The following FBLN7 variants were observed in gnomAD, a reference collection of about 807,000 sequenced individuals.
FBLN7 encodes fibulin-7.
Under a neutral mutation model 44.0 loss-of-function variants are expected in FBLN7, and 31 were observed. The ratio of observed to expected loss-of-function variants is 0.70; its 90% confidence interval spans 0.53 to 0.95. The LOEUF is 0.95. Among genes scored for constraint, FBLN7 ranks in the 40% least tolerant of loss-of-function variants. The pLI, the probability that FBLN7 is intolerant of heterozygous loss-of-function variation, is 0.00. For missense variants in FBLN7, 573 were observed against 618.5 expected (o/e 0.93, Z 0.78); for synonymous variants, 262 against 253.4 (o/e 1.03, Z -0.32).
intron 2 of FBLN7, among the ~76,000 whole-genome samples, chr2:112,160,767 CACGCAG>C (rs1440402446): frequency 1.7e-4 from 6 of 35,782 alleles, no homozygotes; most frequent in African/African-American, 7.5e-4. Flanking sequence ...CACGCACGCA[CACGCAG>C]ACGCACACGC....
At chr2:112,192,844 CT>C (rs760192844), downstream of FBLN7, among the ~76,000 whole-genome samples, 37 of 152,190 alleles carry the variant, frequency 2.4e-4, no homozygotes, top group Non-Finnish European at 4.9e-4. Context: ...TCCTGAATGT[CT>C]AGTGCGTTCC....
At chr2:112,236,598 T>C in the FBLN7 span, 4 of 1,614,042 alleles carry the variant, frequency 2.5e-6, no homozygotes, top group Non-Finnish European at 3.4e-6. Context: ...GCAAAGCATT[T>C]GATCCTTTGT....
chr2:112,173,765 G>A (rs754052420), intron 3 of FBLN7, among the ~76,000 whole-genome samples: 1 of 152,246 alleles, frequency 6.6e-6, no homozygotes, highest in Non-Finnish European at 1.5e-5. Flanking sequence ...ACATACGTGC[G>A]TGTGATGACA....
At chr2:112,232,549 TA>T in the FBLN7 span, among the ~76,000 whole-genome samples, 2 of 152,174 alleles carry the variant, frequency 1.3e-5, no homozygotes, top group Non-Finnish European at 2.9e-5. Flanking sequence ...AATACCTTGA[TA>T]AATGTGATCA....
chr2:112,231,538 C>T, the FBLN7 span, among the ~76,000 whole-genome samples: 1 of 152,104 alleles, frequency 6.6e-6, no homozygotes, highest in Non-Finnish European at 1.5e-5. Flanking sequence ...AACAGGAGTA[C>T]TATTTTTCTT....
At chr2:112,140,604 A>G (rs72831605) in intron 1 of FBLN7, among the ~76,000 whole-genome samples, 7,365 of 152,236 alleles carry the variant, frequency 0.048, 211 homozygotes, top group African/African-American at 0.086. Context: ...GCCGGGAGGA[A>G]GAAGATTTCT....
the FBLN7 span, chr2:112,238,281 T>C: frequency 1.8e-5 from 29 of 1,597,938 alleles, no homozygotes; most frequent in East Asian, 6.5e-4. Context: ...CTTCTCTAGA[T>C]AAACTTTAAA....
the FBLN7 span, chr2:112,234,071 A>G: frequency 9.3e-7 from 1 of 1,071,728 alleles, no homozygotes; most frequent in Non-Finnish European, 1.3e-6. Context: ...TATCAAACAG[A>G]AAGAGCAGTT....
At chr2:112,201,432 G>T in the FBLN7 span, among the ~76,000 whole-genome samples, 2 of 152,014 alleles carry the variant, frequency 1.3e-5, no homozygotes, top group African/African-American at 4.8e-5. Flanking sequence ...TTTGTTCCAG[G>T]GTACCCTGTT....
At chr2:112,212,965 C>CCT in the FBLN7 span, 1 of 84,892 alleles carries the variant, frequency 1.2e-5, no homozygotes, top group Non-Finnish European at 2.3e-5. Flanking sequence ...AGAAGAAATG[C>CCT]TTTTTTTTTT....
intron 1 of FBLN7, among the ~76,000 whole-genome samples, chr2:112,139,935 T>C (rs1162262525): frequency 1.3e-4 from 8 of 61,000 alleles, no homozygotes; most frequent in Admixed American, 1.7e-4. Flanking sequence ...TCCATGCCAG[T>C]GTCCCTCCCG....
chr2:112,219,181 G>A, the FBLN7 span, among the ~76,000 whole-genome samples: 1 of 152,140 alleles, frequency 6.6e-6, no homozygotes. Flanking sequence ...CACACTTCCT[G>A]AGTTCAATAC....
At chr2:112,170,103 G>A (rs1484835745) in intron 3 of FBLN7, among the ~76,000 whole-genome samples, 1 of 151,976 alleles carries the variant, frequency 6.6e-6, no homozygotes, top group Non-Finnish European at 1.5e-5. Flanking sequence ...TTAGCTGGGT[G>A]TGGTGGCAGG....
chr2:112,144,496 C>A (rs1680804269), intron 1 of FBLN7, among the ~76,000 whole-genome samples: 2 of 147,206 alleles, frequency 1.4e-5, no homozygotes, highest in East Asian at 2.0e-4. Context: ...TTTGTTTTTG[C>A]TTTTGTTTTT....
chr2:112,231,820 A>G, the FBLN7 span: 1 of 1,469,498 alleles, frequency 6.8e-7, no homozygotes, highest in Non-Finnish European at 9.3e-7. Flanking sequence ...ACAAAAGATT[A>G]TTAAAAATTA....
chr2:112,199,354 A>G, the FBLN7 span, among the ~76,000 whole-genome samples: 1 of 152,176 alleles, frequency 6.6e-6, no homozygotes, highest in Non-Finnish European at 1.5e-5. Flanking sequence ...AAATTGCTCT[A>G]TTGGCAGCAA....
Position 112,184,405 on chromosome 2 carries a change from G to C in FBLN7, c.809-796G>C, listed in dbSNP as rs1400128303. Among the ~76,000 whole-genome samples the C allele has an allele frequency of 2.6e-5, 4 of 152,144 alleles. No homozygotes were observed. The East Asian group carries it at 7.7e-4, about 29-fold the overall frequency. On this transcript the variant is annotated intron_variant, in intron 6 of 7. Transcript: ENST00000331203. ...AGTGGGTGACCTGGGGCTGGAGCAG[G>C]AGAAGGCATCCAGATAGCCACCCAC... is the stretch of plus-strand genomic sequence containing the variant.
the FBLN7 span, chr2:112,240,343 G>A: frequency 2.0e-5 from 3 of 152,168 alleles, no homozygotes; most frequent in Non-Finnish European, 4.4e-5. Context: ...AAGGTTGGCC[G>A]ACTCCTGTGA....
At chr2:112,222,730 G>C in the FBLN7 span, among the ~76,000 whole-genome samples, 1 of 152,138 alleles carries the variant, frequency 6.6e-6, no homozygotes, top group East Asian at 1.9e-4. Context: ...AAAATCACAA[G>C]AGACAGAAAA....
Sources: allele counts gnomAD v4.1 joint callset (sites outside exome capture counted in the v4.1 genomes callset), GRCh38; gene constraint gnomAD v4.1.1; transcripts MANE v1.5; gene names NCBI Gene and HGNC (gene_info 2026-07-23, HGNC 2026-07-21).